SCN9A: variants seen among roughly 807,000 people sequenced by gnomAD.
SCN9A encodes sodium channel protein type 9 subunit alpha.
Under a neutral mutation model 187.0 loss-of-function variants are expected in SCN9A, and 131 were observed. The ratio of observed to expected loss-of-function variants is 0.70; its 90% CI spans 0.61 to 0.81. The LOEUF is 0.81. Ranked by LOEUF, SCN9A falls within the 30% of genes least tolerant of loss-of-function variation. The probability of loss-of-function intolerance (pLI) is 0.00; values close to 1 mark genes in which losing one functional copy is unlikely to be tolerated. For synonymous variants in SCN9A, 809 were observed against 808.6 expected, an observed-to-expected ratio of 1.00 and a Z score of -0.01; for missense variants, 2,252 against 2,396.6, an observed-to-expected ratio of 0.94 and a Z score of 1.26.
chr2:166,336,385 A>G (rs557806739), intron 1 of SCN9A, among the ~76,000 whole-genome samples: 1 of 152,272 alleles, frequency 6.6e-6, no homozygotes, highest in Non-Finnish European at 1.5e-5. Flanking sequence ...AAATCATTAC[A>G]TACATTTCCT....
rs1196707413 is a variant in SCN9A at position 166,195,250 on chromosome 2, A to G, written c.*3422T>C. On this transcript the variant is annotated 3_prime_UTR_variant, in exon 27 of 27. Transcript: ENST00000642356. The stretch of plus-strand genomic sequence containing the variant: ...TGTGTCAGTCTCAAGTATAACTACA[A>G]TATAACTACAATATAATTTATGGCA... The G allele has an allele frequency of 1.3e-5, 2 of 152,192 alleles. No homozygotes were observed. Among genetic ancestry groups the G allele is most frequent in the African/African-American group, 4.8e-5 (2 of 41,436 alleles). The allele number at this position is 152,192 out of a possible 1,614,324, so 9.4% of individuals were successfully genotyped here. A position where few individuals can be genotyped will look rare whatever the true frequency, so the allele number is the denominator to read the frequency against.
chr2:166,263,907 G>A (rs1301595605), intron 17 of SCN9A, among the ~76,000 whole-genome samples: 4 of 151,966 alleles, frequency 2.6e-5, no homozygotes, highest in Non-Finnish European at 5.9e-5. Context: ...ACTTACTAGA[G>A]CCTTTAGAGA....
intron 1 of SCN9A, among the ~76,000 whole-genome samples, chr2:166,349,749 G>T (rs1699988316): frequency 6.6e-6 from 1 of 152,154 alleles, no homozygotes; most frequent in Non-Finnish European, 1.5e-5. Flanking sequence ...GAGGCAGGTG[G>T]ATCACCTGAA....
At chr2:166,304,118 C>T (rs1252758213) in intron 6 of SCN9A, 120 bp downstream of exon 6, 4 of 1,613,534 alleles carry the variant, frequency 2.5e-6, no homozygotes, top group Non-Finnish European at 3.4e-6. Context: ...AACTCTGTCA[C>T]ATATCTGTAA....
chr2:166,316,638 G>C (rs1335708066), intron 1 of SCN9A, among the ~76,000 whole-genome samples: 1 of 152,200 alleles, frequency 6.6e-6, no homozygotes, highest in African/African-American at 2.4e-5. Context: ...AGCTTGCAGT[G>C]AGCCAAGATC....
chr2:166,216,975 C>A (rs1356225143), intron 24 of SCN9A, among the ~76,000 whole-genome samples: 2 of 151,810 alleles, frequency 1.3e-5, no homozygotes, highest in African/African-American at 4.8e-5. Flanking sequence ...TCTGTCATTT[C>A]AAAATATAAA....
intron 1 of SCN9A, among the ~76,000 whole-genome samples, chr2:166,314,268 C>T (rs900179330): frequency 6.6e-6 from 1 of 152,060 alleles, no homozygotes; most frequent in Non-Finnish European, 1.5e-5. Flanking sequence ...GTAAAGAATG[C>T]AGTATCTTGA....
At chr2:166,293,407 T>C in intron 8 of SCN9A, 35 bp from the exon 9 acceptor site, 2 of 1,540,606 alleles carry the variant, frequency 1.3e-6, no homozygotes, top group Non-Finnish European at 1.8e-6. Context: ...GGTGAGAGTG[T>C]CTTCAGGACA....
At chr2:166,354,362 T>C (rs927913323) in intron 1 of SCN9A, among the ~76,000 whole-genome samples, 2 of 151,848 alleles carry the variant, frequency 1.3e-5, no homozygotes, top group Non-Finnish European at 2.9e-5. Flanking sequence ...GCTTTTTTTT[T>C]CCCCAGCCAT....
At chr2:166,350,319 C>A (rs1455809795) in intron 1 of SCN9A, among the ~76,000 whole-genome samples, 2 of 152,198 alleles carry the variant, frequency 1.3e-5, no homozygotes, top group African/African-American at 4.8e-5. Flanking sequence ...GGCATTCTGC[C>A]TTTAACAGCT....
At chr2:166,319,024 A>G (rs745311902) in intron 1 of SCN9A, among the ~76,000 whole-genome samples, 12 of 152,182 alleles carry the variant, frequency 7.9e-5, no homozygotes, top group Non-Finnish European at 1.2e-4. Context: ...AAAGTACAAA[A>G]GAAGATCAAT....
At chr2:166,289,257 G>C (rs1697929710) in intron 9 of SCN9A, among the ~76,000 whole-genome samples, 1 of 150,774 alleles carries the variant, frequency 6.6e-6, no homozygotes, top group African/African-American at 2.4e-5. Context: ...TACATGGGTA[G>C]ACACGTGCCA....
At chr2:166,314,580 G>A (rs1172059059) in intron 1 of SCN9A, among the ~76,000 whole-genome samples, 1 of 152,114 alleles carries the variant, frequency 6.6e-6, no homozygotes, top group East Asian at 1.9e-4. Context: ...ATGAATAAAT[G>A]GATAAAGGAA....
At chr2:166,218,115 A>G (rs540800676) in intron 24 of SCN9A, among the ~76,000 whole-genome samples, 1 of 152,000 alleles carries the variant, frequency 6.6e-6, no homozygotes, top group African/African-American at 2.4e-5. Flanking sequence ...TGTGATAGGT[A>G]TGCACAGTGC....
chr2:166,223,400 C>A (rs1694708497), intron 24 of SCN9A, among the ~76,000 whole-genome samples: 2 of 152,156 alleles, frequency 1.3e-5, no homozygotes, highest in Non-Finnish European at 2.9e-5. Context: ...ACACACTATT[C>A]AGCCTTATAA....
chr2:166,280,525 A>T lies in SCN9A; in HGVS notation c.2175T>A (p.Asn725Lys). 6.3e-7 allele frequency: 1 copy of T among 1,592,298 alleles called. No homozygotes were observed. The highest frequency in any genetic ancestry group is 8.6e-7 in the Non-Finnish European group (1 of 1,167,440). Residue 725 changes from asparagine (N) to lysine (K), a missense_variant, in exon 14 of 27, where the codon AAT becomes AAA. Around this residue, in one of 7 missense-constraint regions of SCN9A, gnomAD observed 1,013 missense variants for 997.4 expected, o/e 1.02. Transcript: ENST00000642356. ...YRFAHKFLIW[N>K]CSPYWIKFKK... is the part of the protein sequence containing the mutation. ...TGAATTTTATCCAATATGGAGAGCA[A>T]TTCCAGATCAAGAATTTGTGTGCAA... is the stretch of plus-strand genomic sequence containing the variant.
intron 1 of SCN9A, among the ~76,000 whole-genome samples, chr2:166,370,214 A>ATCATC (rs1553507677): frequency 3.1e-3 from 286 of 92,978 alleles, no homozygotes; most frequent in African/African-American, 0.013. Flanking sequence ...TAATAATAAT[A>ATCATC]ATAATAATAA....
chr2:166,346,698 A>G (rs1443175905), intron 1 of SCN9A, among the ~76,000 whole-genome samples: 1 of 152,178 alleles, frequency 6.6e-6, no homozygotes, highest in African/African-American at 2.4e-5. Context: ...AGGAATTGGA[A>G]ACTTACTAAA....
chr2:166,304,171 A>T (rs1698674668), intron 6 of SCN9A, 67 bp downstream of exon 6: 2 of 1,610,840 alleles, frequency 1.2e-6, no homozygotes, highest in South Asian at 2.2e-5. Context: ...ACACAAACGA[A>T]CAAAGAACAA....
Sources: allele counts gnomAD v4.1 joint callset (sites outside exome capture counted in the v4.1 genomes callset), GRCh38; gene constraint gnomAD v4.1.1; regional missense constraint gnomAD v4.1.1; transcripts MANE v1.5; gene names NCBI Gene and HGNC (gene_info 2026-07-23, HGNC 2026-07-21).